The following RUFY4 variants were observed in gnomAD, a reference collection of about 807,000 sequenced individuals.
RUFY4 encodes RUN and FYVE domain-containing protein 4.
RUFY4 carries 73 observed loss-of-function variants against 69.0 expected under a neutral mutation model. The ratio of observed to expected loss-of-function variants is 1.06; its 90% CI spans 0.88 to 1.29. The LOEUF is 1.29. RUFY4 is among the 50% of genes most tolerant of loss of function. The pLI is 0.00. For missense variants in RUFY4, 770 were observed against 705.6 expected, an observed-to-expected ratio of 1.09 and a Z score of -1.03; for synonymous variants, 287 against 271.8, an observed-to-expected ratio of 1.06 and a Z score of -0.55.
Position 218,042,178 on chromosome 2 carries a change from A to T in RUFY4, c.-1158+6784A>T, listed in dbSNP as rs145256185. Among the ~76,000 whole-genome samples the T allele has an allele frequency of 1.6e-3, 245 of 152,370 alleles. 2 individuals are homozygous for T. The highest frequency in any genetic ancestry group is 0.014 in the Middle Eastern group (4 of 294). Reference sequence around the variant, plus strand: ...TTGGGATATAAAGGCAACGACAATCAGGAGAATAATATCCAAGGGCTGAAA... The same window carrying T: ...TTGGGATATAAAGGCAACGACAATCTGGAGAATAATATCCAAGGGCTGAAA... On this transcript the variant is annotated intron_variant and NMD_transcript_variant, in intron 2 of 13. Transcript: ENST00000457754.
intron 3 of RUFY4, among the ~76,000 whole-genome samples, chr2:218,063,582 C>T (rs562961335): frequency 2.0e-5 from 3 of 152,326 alleles, no homozygotes; most frequent in African/African-American, 7.2e-5. Flanking sequence ...TTCATAGTGG[C>T]ATGCTCCAGC....
At chr2:218,047,619 A>G (rs939014823) in intron 2 of RUFY4, among the ~76,000 whole-genome samples, 7 of 152,238 alleles carry the variant, frequency 4.6e-5, no homozygotes, top group Admixed American at 3.9e-4. Flanking sequence ...TTTTAATTAC[A>G]TGTATTAATT....
chr2:218,062,246 T>TA (rs1287070435), intron 3 of RUFY4, among the ~76,000 whole-genome samples: 4 of 149,926 alleles, frequency 2.7e-5, no homozygotes, highest in East Asian at 2.0e-4. Context: ...AAAAATATTT[T>TA]AAAAAAAAAA....
chr2:218,083,136 A>G, exon 9 of RUFY4: 2 of 1,613,580 alleles, frequency 1.2e-6, no homozygotes, highest in Non-Finnish European at 1.7e-6. Flanking sequence ...GCCGAGCTGC[A>G]GGCACAGCTG....
intron 8 of RUFY4, among the ~76,000 whole-genome samples, chr2:218,079,378 A>G (rs1056817704): frequency 6.6e-6 from 1 of 152,208 alleles, no homozygotes; most frequent in Non-Finnish European, 1.5e-5. Context: ...GAAAGACAGA[A>G]GTTGAGAATG....
intron 3 of RUFY4, among the ~76,000 whole-genome samples, chr2:218,064,087 G>A (rs886582166): frequency 2.6e-5 from 4 of 152,064 alleles, no homozygotes; most frequent in African/African-American, 9.7e-5. Flanking sequence ...CGCTCCACCT[G>A]GCCACCAGAT....
rs189488853 is a variant in RUFY4, at chr2:218,083,324, G to A, written c.1502+68G>A. 55 of 1,509,542 alleles carry A rather than the reference G, an allele frequency of 3.6e-5. No individual in the cohort carries two copies. The Admixed American group carries it at 6.6e-4, about 18-fold the overall frequency. The allele number at this position is 1,509,542 out of a possible 1,614,324, so 93.5% of individuals were successfully genotyped here. On this transcript the variant is annotated intron_variant, in intron 9 of 10. Coordinates refer to ENST00000344321, the Ensembl canonical transcript of RUFY4. Reference sequence around the variant, plus strand: ...CGGTAAGGGATGTGGAGCCCGGAGCGTGAAAATTCTACTCCACTCACAACT... The same window carrying A: ...CGGTAAGGGATGTGGAGCCCGGAGCATGAAAATTCTACTCCACTCACAACT...
chr2:218,081,809 T>C (rs987886081), intron 8 of RUFY4, among the ~76,000 whole-genome samples: 2 of 152,228 alleles, frequency 1.3e-5, no homozygotes, highest in African/African-American at 4.8e-5. Context: ...CTCTTTGGAA[T>C]GTCAGTGGCT....
intron 9 of RUFY4, among the ~76,000 whole-genome samples, chr2:218,087,559 T>C (rs1036392365): frequency 3.3e-5 from 5 of 152,230 alleles, no homozygotes; most frequent in African/African-American, 1.2e-4. Context: ...CTAGGCATGG[T>C]GGCTCATGCC....
rs760729142 is a variant in RUFY4 at position 218,073,904 on chromosome 2, CA to C, written c.600+20del. The stretch of plus-strand genomic sequence containing the variant: ...AAAGAAGGTGCCTCTGCCCTGCCTT[CA>C]CTCTGAGTTGCCTCTTCCCCATCTC... On this transcript the variant is annotated intron_variant, in intron 6 of 10. Coordinates refer to ENST00000344321, the Ensembl canonical transcript of RUFY4. 16 of 1,613,046 alleles carry C rather than the reference CA, an allele frequency of 9.9e-6. No individual in the cohort carries two copies. Among genetic ancestry groups the C allele is most frequent in the Non-Finnish European group, 1.3e-5 (15 of 1,179,172 alleles).
chr2:218,045,971 A>G, intron 2 of RUFY4, among the ~76,000 whole-genome samples: 1 of 151,844 alleles, frequency 6.6e-6, no homozygotes, highest in East Asian at 1.9e-4. Context: ...CGCCCGGCTA[A>G]TTTTTTTTGT....
Position 218,075,175 on chromosome 2 carries a change from C to T in RUFY4, c.683C>T (p.Pro228Leu), listed in dbSNP as rs1285806640. Residue 228 changes from proline to leucine, a missense_variant, in exon 7 of 11, where the codon CCC becomes CTC. Physicochemically the swap from Pro to Leu is moderately conservative, Grantham distance 98. Coordinates refer to ENST00000344321, the Ensembl canonical transcript of RUFY4. Reference sequence around the variant, plus strand: ...CAAGCCATCTGTCTGCAAGATGCACCCAGTGGACAGCAGCTGGCAGGGCTT... The same window carrying T: ...CAAGCCATCTGTCTGCAAGATGCACTCAGTGGACAGCAGCTGGCAGGGCTT... 7.7e-6 allele frequency: 12 copies of T among 1,556,926 alleles called. No homozygotes were observed. The East Asian group carries it at 2.9e-4, about 38-fold the overall frequency.
chr2:218,063,752 T>G (rs1441789525), intron 3 of RUFY4, among the ~76,000 whole-genome samples: 3 of 152,048 alleles, frequency 2.0e-5, no homozygotes, highest in African/African-American at 7.3e-5. Context: ...AGGCTCTCGG[T>G]TCCCCAAAAC....
At position 218,075,210 on chromosome 2, in the gene RUFY4, C is replaced by T. The variant is rs1433703576; in HGVS notation, c.718C>T (p.Gln240Ter). The change falls in exon 7 of 11, where the codon CAG becomes TAG. Residue 240 changes from glutamine to a stop codon, truncating the protein, a stop_gained. Coordinates refer to ENST00000344321, the Ensembl canonical transcript of RUFY4. LOFTEE classifies it high-confidence loss of function. ...GCAGCTGGCAGGGCTTCCCAGGTCC[C>T]AGCAACAAAGGCATCTTCCTTTCTT... is the stretch of plus-strand genomic sequence containing the variant. The T allele has an allele frequency of 2.6e-6, 4 of 1,560,160 alleles. No individual in the cohort carries two copies. Among genetic ancestry groups the T allele is most frequent in the Non-Finnish European group, 3.5e-6 (4 of 1,152,032 alleles).
At chr2:218,085,968 G>C (rs1689885558) in intron 9 of RUFY4, among the ~76,000 whole-genome samples, 1 of 152,054 alleles carries the variant, frequency 6.6e-6, no homozygotes, top group Non-Finnish European at 1.5e-5. Flanking sequence ...GGAGAGTCTA[G>C]AATATAAAGG....
Position 218,076,539 on chromosome 2 carries a change from C to T in RUFY4, c.1355+6C>T. 1.9e-6 allele frequency: 3 copies of T among 1,549,832 alleles called. No individual in the cohort carries two copies. The highest frequency in any genetic ancestry group is 1.4e-5 in the African/African-American group (1 of 73,036). ...CTTCGGGAGCAGCTCAGCAGGTAAC[C>T]TTGGCAACCCACAGCACAGGGCACC... On this transcript the variant is annotated splice_donor_region_variant and intron_variant, in intron 8 of 10. Coordinates refer to ENST00000344321, the Ensembl canonical transcript of RUFY4.
At chr2:218,070,446 C>T (rs1689458087), upstream of RUFY4, 1 of 676,072 alleles carries the variant, frequency 1.5e-6, no homozygotes, top group African/African-American at 1.8e-5. Flanking sequence ...TGGGATTCTC[C>T]CCCTACTAGG....
chr2:218,067,385 G>A (rs1041684379), upstream of RUFY4, among the ~76,000 whole-genome samples: 9 of 152,254 alleles, frequency 5.9e-5, no homozygotes, highest in African/African-American at 2.2e-4. Flanking sequence ...CAGCCCAGAT[G>A]TCCGGGTAGC....
chr2:218,075,631 A>G (rs765809810), exon 7 of RUFY4: 1 of 1,519,116 alleles, frequency 6.6e-7, no homozygotes, highest in Non-Finnish European at 8.8e-7. Context: ...CTTCAGGGAC[A>G]CGCAACAAAG....
Sources: allele counts gnomAD v4.1 joint callset (sites outside exome capture counted in the v4.1 genomes callset), GRCh38; gene constraint gnomAD v4.1.1; transcripts MANE v1.5; gene names NCBI Gene and HGNC (gene_info 2026-07-23, HGNC 2026-07-21).